Variants in NOX4 observed in about 807,000 individuals in gnomAD.
The protein encoded by NOX4 is NADPH oxidase 4, also known as kidney oxidase-1.
NOX4 carries 69 observed loss-of-function variants against 87.6 expected under a neutral mutation model. That is an observed-to-expected ratio of 0.79 (90% CI 0.65 to 0.96). The LOEUF is 0.96. Among genes scored for constraint, NOX4 ranks in the 40% least tolerant of loss-of-function variants. NOX4 has a pLI of 0.00. For synonymous variants in NOX4, 275 were observed against 238.2 expected (o/e 1.15, Z -1.42); for missense variants, 680 against 681.5 (o/e 1.00, Z 0.02).
chr11:89,530,733 C>T, the NOX4 span, among the ~76,000 whole-genome samples: 1 of 151,978 alleles, frequency 6.6e-6, no homozygotes, highest in Non-Finnish European at 1.5e-5. Flanking sequence ...TCCTTCCTGG[C>T]CAGAGTTAAT....
At chr11:89,429,756 GC>G (rs1943673469) in intron 7 of NOX4, among the ~76,000 whole-genome samples, 1 of 152,128 alleles carries the variant, frequency 6.6e-6, no homozygotes, top group Non-Finnish European at 1.5e-5. Flanking sequence ...TGGATTCACA[GC>G]CGAATTCTAC....
At chr11:89,576,877 A>G in the NOX4 span, 10 of 152,102 alleles carry the variant, frequency 6.6e-5, no homozygotes, top group African/African-American at 2.4e-4. Flanking sequence ...AACACCAGTA[A>G]TTTGTTTCAA....
the NOX4 span, among the ~76,000 whole-genome samples, chr11:89,517,394 C>A: frequency 6.6e-6 from 1 of 152,018 alleles, no homozygotes; most frequent in African/African-American, 2.4e-5. Flanking sequence ...ACCAAGCAAT[C>A]CTTCCTTTAC....
chr11:89,440,354 G>T (rs1051144255), intron 6 of NOX4, among the ~76,000 whole-genome samples: 2 of 151,884 alleles, frequency 1.3e-5, no homozygotes, highest in African/African-American at 4.8e-5. Flanking sequence ...GTCTTACTCT[G>T]TCACGCCCAG....
At chr11:89,365,452 T>TG (rs994799459) in intron 12 of NOX4, among the ~76,000 whole-genome samples, 3 of 100,086 alleles carry the variant, frequency 3.0e-5, no homozygotes, top group Admixed American at 2.7e-4. Context: ...TGAAAGAGGG[T>TG]GGGAAAAAAA....
intron 2 of NOX4, among the ~76,000 whole-genome samples, chr11:89,465,888 A>C (rs1016330425): frequency 3.3e-5 from 5 of 151,934 alleles, no homozygotes; most frequent in African/African-American, 4.8e-5. Context: ...CCTTTGTCAG[A>C]TGGATAGACT....
At chr11:89,396,930 G>A (rs1452560526) in intron 11 of NOX4, among the ~76,000 whole-genome samples, 6 of 151,982 alleles carry the variant, frequency 3.9e-5, no homozygotes, top group Admixed American at 2.0e-4. Flanking sequence ...GGTTAACAAG[G>A]ATATCCTTGA....
At chr11:89,570,035 G>A in the NOX4 span, among the ~76,000 whole-genome samples, 1 of 151,492 alleles carries the variant, frequency 6.6e-6, no homozygotes, top group Admixed American at 6.6e-5. Flanking sequence ...GAATATAACT[G>A]TTCTGCCAGA....
At chr11:89,407,242 G>A (rs1235347402) in intron 8 of NOX4, among the ~76,000 whole-genome samples, 1 of 152,020 alleles carries the variant, frequency 6.6e-6, no homozygotes, top group Non-Finnish European at 1.5e-5. Context: ...TATTGTTGTA[G>A]CTTTCATAAA....
At chr11:89,415,654 CCATT>C (rs754894871) in intron 8 of NOX4, among the ~76,000 whole-genome samples, 9 of 152,022 alleles carry the variant, frequency 5.9e-5, no homozygotes, top group Non-Finnish European at 8.8e-5. Flanking sequence ...ATCCCTGAAT[CCATT>C]CAATTAGTCC....
chr11:89,491,013 AG>A, intron 1 of NOX4, 176 bp downstream of exon 1: 1 of 721,938 alleles, frequency 1.4e-6, no homozygotes, highest in Non-Finnish European at 2.5e-6. Context: ...GGGACAGGCG[AG>A]GGGGTGGGAG....
At chr11:89,547,375 A>C in the NOX4 span, among the ~76,000 whole-genome samples, 1 of 152,202 alleles carries the variant, frequency 6.6e-6, no homozygotes, top group Non-Finnish European at 1.5e-5. Context: ...GAATATACTC[A>C]TGGAATAATA....
At chr11:89,588,357 CAAAA>C in the NOX4 span, among the ~76,000 whole-genome samples, 22 of 152,118 alleles carry the variant, frequency 1.4e-4, no homozygotes, top group East Asian at 3.7e-3. Context: ...AATATTATAA[CAAAA>C]AACAGAAGCA....
intron 8 of NOX4, among the ~76,000 whole-genome samples, chr11:89,405,080 T>TTGTGCGTGTGTGTGTG (rs1942092696): frequency 7.5e-6 from 1 of 133,192 alleles, no homozygotes; most frequent in Non-Finnish European, 1.6e-5. Context: ...AAAAGTCAGA[T>TTGTGCGTGTGTGTGTG]TGTGTGTGTG....
At chr11:89,565,453 T>C in the NOX4 span, among the ~76,000 whole-genome samples, 2 of 152,190 alleles carry the variant, frequency 1.3e-5, no homozygotes, top group Non-Finnish European at 2.9e-5. Context: ...GAGCATTTTA[T>C]TGCTTTCTTT....
At chr11:89,578,806 G>A in the NOX4 span, among the ~76,000 whole-genome samples, 1 of 152,162 alleles carries the variant, frequency 6.6e-6, no homozygotes, top group African/African-American at 2.4e-5. Flanking sequence ...ATTGTAATAT[G>A]AAATGTATTT....
the NOX4 span, among the ~76,000 whole-genome samples, chr11:89,542,263 A>T: frequency 7.1e-3 from 1,083 of 152,354 alleles, 15 homozygotes; most frequent in African/African-American, 0.024. Flanking sequence ...TCTAAGAATG[A>T]TTCAAAATAA....
chr11:89,460,794 A>G (rs1030868267), intron 2 of NOX4, among the ~76,000 whole-genome samples: 1 of 152,160 alleles, frequency 6.6e-6, no homozygotes, highest in Non-Finnish European at 1.5e-5. Flanking sequence ...TTGACCCAGC[A>G]ATCCCATTAC....
In NOX4 at chr11:89,363,355, C is replaced by A. The variant is rs186551614; in HGVS notation, c.1136-8312G>T. Among the ~76,000 whole-genome samples the A allele has an allele frequency of 6.6e-4, 100 of 152,096 alleles. 1 individual carries two copies. The highest frequency in any genetic ancestry group is 2.2e-3 in the African/African-American group (93 of 41,534). ...ATATTTTGGATAATCAGAATTTCATCAGTTAAAGCATGTTTTATTCACTTT... is the reference window on the plus strand; with the variant it reads ...ATATTTTGGATAATCAGAATTTCATAAGTTAAAGCATGTTTTATTCACTTT... On this transcript the variant is annotated intron_variant, in intron 12 of 17. Transcript: ENST00000263317.
Sources: gnomAD v4.1 joint callset for allele counts (sites outside exome capture counted in the v4.1 genomes callset) on GRCh38, gnomAD v4.1.1 for gene constraint, MANE v1.5 for transcripts, NCBI Gene and HGNC (gene_info 2026-07-23, HGNC 2026-07-21) for gene names.